Variants in RCAN1 observed in about 807,000 individuals in gnomAD.
The protein encoded by RCAN1 is calcipressin-1.
In RCAN1, 11 loss-of-function variants were observed where a neutral mutation model predicts 22.9. The observed-to-expected ratio is 0.48, with a 90% CI of 0.30 to 0.79. The LOEUF (loss-of-function observed/expected upper bound fraction) is 0.79. Ranked by LOEUF, RCAN1 falls within the 30% of genes least tolerant of loss-of-function variation. The pLI is 0.06. For missense variants in RCAN1, 291 were observed against 337.8 expected, an observed-to-expected ratio of 0.86 and a Z score of 1.09; for synonymous variants, 136 against 142.3, an observed-to-expected ratio of 0.96 and a Z score of 0.32.
At chr21:34,547,432 C>T (rs890677074) in intron 1 of RCAN1, among the ~76,000 whole-genome samples, 1 of 152,176 alleles carries the variant, frequency 6.6e-6, no homozygotes, top group Non-Finnish European at 1.5e-5. Flanking sequence ...CATGAAGAGG[C>T]CAGGCAAATG....
chr21:34,586,446 A>C (rs768983997), intron 1 of RCAN1, among the ~76,000 whole-genome samples: 2 of 152,216 alleles, frequency 1.3e-5, no homozygotes, highest in African/African-American at 2.4e-5. Flanking sequence ...CAATCTACAG[A>C]TCAATGAAGA....
intron 1 of RCAN1, among the ~76,000 whole-genome samples, chr21:34,534,596 C>G (rs933541234): frequency 4.6e-5 from 7 of 152,200 alleles, no homozygotes; most frequent in African/African-American, 1.7e-4. Context: ...GGGGGCTCAT[C>G]TGATGCAAAC....
chr21:34,600,068 T>A (rs1290795015), intron 1 of RCAN1, among the ~76,000 whole-genome samples: 1 of 152,150 alleles, frequency 6.6e-6, no homozygotes, highest in African/African-American at 2.4e-5. Context: ...GATCACGCTA[T>A]GCTAAAGCCC....
intron 1 of RCAN1, among the ~76,000 whole-genome samples, chr21:34,554,826 A>G (rs896829558): frequency 2.6e-5 from 4 of 152,202 alleles, no homozygotes; most frequent in African/African-American, 9.7e-5. Flanking sequence ...GGCAAGGAGG[A>G]GCAAGTCACA....
chr21:34,596,702 T>C (rs937068775), intron 1 of RCAN1, among the ~76,000 whole-genome samples: 3 of 152,188 alleles, frequency 2.0e-5, no homozygotes, highest in African/African-American at 7.2e-5. Flanking sequence ...CCTGATGATG[T>C]TGGAACACCA....
chr21:34,545,808 G>A (rs1414939679), intron 1 of RCAN1, among the ~76,000 whole-genome samples: 2 of 152,230 alleles, frequency 1.3e-5, no homozygotes, highest in Non-Finnish European at 2.9e-5. Flanking sequence ...GAGGATAGCG[G>A]TGCCACCCAT....
intron 1 of RCAN1, among the ~76,000 whole-genome samples, chr21:34,541,878 G>T (rs1985928795): frequency 6.6e-6 from 1 of 152,152 alleles, no homozygotes; most frequent in African/African-American, 2.4e-5. Context: ...AGCTTGCAGT[G>T]AGCTCAGATT....
At chr21:34,561,603 T>C (rs1230633651) in intron 1 of RCAN1, among the ~76,000 whole-genome samples, 2 of 152,232 alleles carry the variant, frequency 1.3e-5, no homozygotes, top group Non-Finnish European at 2.9e-5. Flanking sequence ...CTGAAATACT[T>C]GAAAGCAGAA....
chr21:34,608,902 T>C (rs1444344070), intron 1 of RCAN1, among the ~76,000 whole-genome samples: 1 of 152,222 alleles, frequency 6.6e-6, no homozygotes, highest in Non-Finnish European at 1.5e-5. Flanking sequence ...GGGAAAGGTA[T>C]GCTTAAGACC....
intron 1 of RCAN1, among the ~76,000 whole-genome samples, chr21:34,545,317 C>T (rs1257567902): frequency 2.0e-5 from 3 of 152,178 alleles, no homozygotes; most frequent in Non-Finnish European, 4.4e-5. Flanking sequence ...AGAGGACAAT[C>T]TGAACACCAG....
chr21:34,590,277 T>A (rs1987929076), intron 1 of RCAN1, among the ~76,000 whole-genome samples: 1 of 152,144 alleles, frequency 6.6e-6, no homozygotes, highest in African/African-American at 2.4e-5. Context: ...CGCAATCTAA[T>A]AAACTAAAAA....
At chr21:34,520,955 A>C (rs1260025337) in intron 3 of RCAN1, 8 of 486,354 alleles carry the variant, frequency 1.6e-5, no homozygotes, top group Non-Finnish European at 1.4e-5. Flanking sequence ...TTTCTTTAGC[A>C]AGCTCTGTAG....
At chr21:34,556,425 C>CAAA (rs1003343270) in intron 1 of RCAN1, among the ~76,000 whole-genome samples, 44 of 54,906 alleles carry the variant, frequency 8.0e-4, no homozygotes, top group East Asian at 3.2e-3. Context: ...GACCTTGTCT[C>CAAA]AAAAAATAAT....
intron 1 of RCAN1, among the ~76,000 whole-genome samples, chr21:34,594,939 A>G (rs1310392964): frequency 6.6e-6 from 1 of 152,200 alleles, no homozygotes; most frequent in Non-Finnish European, 1.5e-5. Flanking sequence ...CTGGAATAAG[A>G]TGGCCTGGGT....
intron 1 of RCAN1, among the ~76,000 whole-genome samples, chr21:34,589,009 A>G (rs551327514): frequency 6.6e-6 from 1 of 152,314 alleles, no homozygotes; most frequent in Admixed American, 6.5e-5. Flanking sequence ...GGGCTGAGGG[A>G]AGAGAAAATG....
chr21:34,609,658 C>G (rs1221358018), intron 1 of RCAN1, among the ~76,000 whole-genome samples: 1 of 152,168 alleles, frequency 6.6e-6, no homozygotes, highest in Non-Finnish European at 1.5e-5. Context: ...TGTCCTGAGG[C>G]TGGAAAAGCC....
At chr21:34,545,517 T>C (rs74775582) in intron 1 of RCAN1, among the ~76,000 whole-genome samples, 2,687 of 152,304 alleles carry the variant, frequency 0.018, 79 homozygotes, top group African/African-American at 0.062. Flanking sequence ...AGAAAATAGA[T>C]GTGACCCCCA....
intron 1 of RCAN1, among the ~76,000 whole-genome samples, chr21:34,586,233 A>G (rs1437137466): frequency 1.3e-5 from 2 of 152,244 alleles, no homozygotes; most frequent in Admixed American, 6.5e-5. Flanking sequence ...GCATCTATAT[A>G]TGTTGTTGTT....
intron 1 of RCAN1, among the ~76,000 whole-genome samples, chr21:34,563,821 G>GAGAGAGAGC (rs1986903682): frequency 1.5e-5 from 1 of 67,812 alleles, no homozygotes; most frequent in Non-Finnish European, 3.4e-5. Flanking sequence ...AGAGAGAGAG[G>GAGAGAGAGC]CAGGCATGGT....
Sources: allele counts gnomAD v4.1 joint callset (sites outside exome capture counted in the v4.1 genomes callset), GRCh38; gene constraint gnomAD v4.1.1; transcripts MANE v1.5; gene names NCBI Gene and HGNC (gene_info 2026-07-23, HGNC 2026-07-21).